Variants in KCNQ3 observed in about 807,000 individuals in gnomAD.
KCNQ3 encodes the protein potassium voltage-gated channel subfamily Q member 3, also known as potassium voltage-gated channel subfamily KQT member 3.
Under a neutral mutation model 92.5 loss-of-function variants are expected in KCNQ3, and 30 were observed. The observed-to-expected ratio is 0.32, with a 90% CI of 0.24 to 0.44. The LOEUF (loss-of-function observed/expected upper bound fraction) is 0.44. Among genes scored for constraint, KCNQ3 ranks in the 20% least tolerant of loss-of-function variants. KCNQ3 has a pLI of 1.00. For synonymous variants in KCNQ3, 450 were observed against 468.8 expected (o/e 0.96, Z 0.52); for missense variants, 913 against 1,140.3 (o/e 0.80, Z 2.87).
Position 132,344,076 on chromosome 8 carries a change from G to A in KCNQ3, c.386+136071C>T, listed in dbSNP as rs371229330. 1.2e-4 allele frequency among the ~76,000 whole-genome samples: 18 copies of A among 152,296 alleles called. No homozygotes were observed. In the East Asian group the frequency reaches 1.9e-3, roughly 16 times the overall value. ...GGTGAGAAATCCAGGCTTCTTTGGA[G>A]GGATGATCTGAGTAAGTGCACAAGC... On this transcript the variant is annotated intron_variant, in intron 1 of 14. Coordinates refer to ENST00000388996, the MANE Select transcript of KCNQ3 (RefSeq NM_004519.4).
At chr8:132,133,757 A>C (rs946254851) in intron 13 of KCNQ3, among the ~76,000 whole-genome samples, 6 of 152,186 alleles carry the variant, frequency 3.9e-5, no homozygotes, top group African/African-American at 1.4e-4. Flanking sequence ...AAGAGATGTA[A>C]ATTTAGGCAG....
chr8:132,427,098 CT>C (rs1016552475), intron 1 of KCNQ3, among the ~76,000 whole-genome samples: 5 of 152,196 alleles, frequency 3.3e-5, no homozygotes. Context: ...TTGCTGCCCC[CT>C]AAGCACTGTC....
chr8:132,450,212 T>A (rs533129177), intron 1 of KCNQ3, among the ~76,000 whole-genome samples: 2 of 152,264 alleles, frequency 1.3e-5, no homozygotes, highest in East Asian at 3.9e-4. Flanking sequence ...TCCCCACCCA[T>A]GTCCTGCTGA....
At chr8:132,287,048 G>A (rs888397544) in intron 1 of KCNQ3, among the ~76,000 whole-genome samples, 2 of 147,482 alleles carry the variant, frequency 1.4e-5, no homozygotes, top group African/African-American at 5.4e-5. Flanking sequence ...CCTCTTTTCA[G>A]TCTCAGGTAC....
chr8:132,230,443 GAGAGAC>G (rs1324899790), intron 1 of KCNQ3, among the ~76,000 whole-genome samples: 2 of 113,728 alleles, frequency 1.8e-5, no homozygotes, highest in Admixed American at 9.0e-5. Context: ...CAGAGAGAGA[GAGAGAC>G]AGAGAGAGAG....
intron 1 of KCNQ3, among the ~76,000 whole-genome samples, chr8:132,205,203 T>C (rs1813618838): frequency 6.6e-6 from 1 of 152,182 alleles, no homozygotes; most frequent in Non-Finnish European, 1.5e-5. Flanking sequence ...AGGTAAACCT[T>C]GAACAATCAG....
chr8:132,297,544 A>C (rs1183117798), intron 1 of KCNQ3, among the ~76,000 whole-genome samples: 1 of 152,196 alleles, frequency 6.6e-6, no homozygotes, highest in Non-Finnish European at 1.5e-5. Context: ...CTTTCCCACT[A>C]CAGCACAAAT....
chr8:132,197,166 T>C (rs533399853), intron 1 of KCNQ3, among the ~76,000 whole-genome samples: 2 of 152,330 alleles, frequency 1.3e-5, no homozygotes, highest in South Asian at 4.1e-4. Flanking sequence ...TGAGTAACCA[T>C]CTGTCTGTTT....
chr8:132,136,118 C>CAAAAAAAAAAAAAAAAA (rs67331428), intron 12 of KCNQ3, among the ~76,000 whole-genome samples: 4 of 40,018 alleles, frequency 1.0e-4, no homozygotes, highest in Admixed American at 5.1e-4. Flanking sequence ...GACTCCATCT[C>CAAAAAAAAAAAAAAAAA]AAAAAAAAAA....
chr8:132,132,369 T>G, intron 13 of KCNQ3, 105 bp from the exon 14 acceptor site: 1 of 837,684 alleles, frequency 1.2e-6, no homozygotes, highest in Non-Finnish European at 2.0e-6. Context: ...GTTCTCACCC[T>G]CACACTTGTG....
At chr8:132,131,586 T>G (rs1824879807) in intron 14 of KCNQ3, among the ~76,000 whole-genome samples, 1 of 152,210 alleles carries the variant, frequency 6.6e-6, no homozygotes, top group South Asian at 2.1e-4. Flanking sequence ...GTGTCCACTG[T>G]GCCCGCTAAT....
At chr8:132,245,165 C>A (rs1408840450) in intron 1 of KCNQ3, among the ~76,000 whole-genome samples, 1 of 152,134 alleles carries the variant, frequency 6.6e-6, no homozygotes, top group African/African-American at 2.4e-5. Context: ...GTCTGTCCCT[C>A]AGTTCTTTCA....
chr8:132,442,471 C>T (rs1011521345), intron 1 of KCNQ3, among the ~76,000 whole-genome samples: 2 of 152,160 alleles, frequency 1.3e-5, no homozygotes, highest in East Asian at 3.9e-4. Flanking sequence ...GGTGTGGGTT[C>T]CCCACTGGTT....
At chr8:132,453,020 G>A (rs866761125) in intron 1 of KCNQ3, among the ~76,000 whole-genome samples, 21 of 20,748 alleles carry the variant, frequency 1.0e-3, no homozygotes, top group Admixed American at 2.2e-3. Flanking sequence ...CTGGCTGAGA[G>A]TAAGGTGGTC....
intron 1 of KCNQ3, among the ~76,000 whole-genome samples, chr8:132,468,494 C>A (rs1184942414): frequency 6.6e-6 from 1 of 152,234 alleles, no homozygotes; most frequent in Non-Finnish European, 1.5e-5. Context: ...TTCTGCCTGC[C>A]TGCCTTTGGG....
chr8:132,480,508 C>T lies in KCNQ3; in HGVS notation c.25G>A (p.Ala9Thr). The T allele has an allele frequency of 8.8e-7, 1 of 1,134,806 alleles. No homozygotes were observed. Among genetic ancestry groups the T allele is most frequent in the Non-Finnish European group, 1.1e-6 (1 of 929,448 alleles). The allele number at this position is 1,134,806 out of a possible 1,614,324, so 70.3% of individuals were successfully genotyped here. The stretch of plus-strand genomic sequence containing the variant: ...TCGCCGCCGCCGCCAGCCGCCCCCG[C>T]CGCCCTGCGCGCCTTGAGCCCCATC... Reference protein sequence around the residue: MGLKARRAAGAAGGGGDGG... With the variant: MGLKARRATGAAGGGGDGG... The change falls in exon 1 of 15, where the codon GCG becomes ACG. Residue 9 changes from alanine (A) to threonine (T), a missense_variant. Physicochemically the swap from Ala to Thr is moderately conservative, Grantham distance 58. Coordinates refer to ENST00000388996, the MANE Select transcript of KCNQ3 (RefSeq NM_004519.4).
intron 9 of KCNQ3, among the ~76,000 whole-genome samples, chr8:132,154,645 A>G (rs1825751124): frequency 6.6e-6 from 1 of 152,090 alleles, no homozygotes; most frequent in African/African-American, 2.4e-5. Context: ...GGGCTGCAGG[A>G]AGTTTGTGCC....
chr8:132,352,616 G>A (rs909140424), intron 1 of KCNQ3, among the ~76,000 whole-genome samples: 7 of 152,288 alleles, frequency 4.6e-5, no homozygotes, highest in South Asian at 2.1e-4. Context: ...AGATCGGACC[G>A]CAAGGTGGCA....
intron 1 of KCNQ3, among the ~76,000 whole-genome samples, chr8:132,443,089 T>C (rs1467052050): frequency 6.6e-6 from 1 of 152,202 alleles, no homozygotes; most frequent in Non-Finnish European, 1.5e-5. Context: ...GAAATTAGAA[T>C]TACAAATTGG....
Sources: allele counts gnomAD v4.1 joint callset (sites outside exome capture counted in the v4.1 genomes callset), GRCh38; gene constraint gnomAD v4.1.1; transcripts MANE v1.5; gene names NCBI Gene and HGNC (gene_info 2026-07-23, HGNC 2026-07-21).